Variants in PHACTR3 observed in about 807,000 individuals in gnomAD.
The protein encoded by PHACTR3 is phosphatase and actin regulator 3.
PHACTR3 carries 16 observed loss-of-function variants against 66.8 expected under a neutral mutation model. The ratio of observed to expected loss-of-function variants is 0.24; its 90% CI spans 0.16 to 0.36. PHACTR3 has a LOEUF of 0.36. Ranked by LOEUF, PHACTR3 falls within the 10% of genes least tolerant of loss-of-function variation. The probability of loss-of-function intolerance (pLI) is 1.00; values close to 1 mark genes in which losing one functional copy is unlikely to be tolerated. For synonymous variants in PHACTR3, 323 were observed against 292.1 expected, an observed-to-expected ratio of 1.11 and a Z score of -1.08; for missense variants, 647 against 719.9, an observed-to-expected ratio of 0.90 and a Z score of 1.16.
chr20:59,658,569 A>AGT (rs1282989493), intron 1 of PHACTR3, among the ~76,000 whole-genome samples: 1 of 151,984 alleles, frequency 6.6e-6, no homozygotes, highest in East Asian at 1.9e-4. Context: ...CAGCCTTGGG[A>AGT]GTGTGCACAG....
chr20:59,838,082 C>T (rs78956605), intron 9 of PHACTR3, among the ~76,000 whole-genome samples: 2,842 of 152,096 alleles, frequency 0.019, 100 homozygotes, highest in African/African-American at 0.065. Flanking sequence ...GTTTCCTCTG[C>T]GGTGGCCATG....
chr20:59,607,955 G>A (rs1180681615), intron 1 of PHACTR3, among the ~76,000 whole-genome samples: 2 of 152,162 alleles, frequency 1.3e-5, no homozygotes, highest in Non-Finnish European at 2.9e-5. Flanking sequence ...TTCCTCTAGG[G>A]TGGGTGTGTG....
At chr20:59,837,477 T>C (rs986077115) in intron 9 of PHACTR3, among the ~76,000 whole-genome samples, 1 of 152,178 alleles carries the variant, frequency 6.6e-6, no homozygotes, top group Non-Finnish European at 1.5e-5. Context: ...CTCAGTGCCT[T>C]CATTAACTGC....
At chr20:59,685,192 C>G (rs1016864889) in intron 1 of PHACTR3, among the ~76,000 whole-genome samples, 12 of 152,210 alleles carry the variant, frequency 7.9e-5, no homozygotes, top group Non-Finnish European at 1.2e-4. Context: ...GTGCTGTGGC[C>G]CCCTTCCTGC....
chr20:59,762,312 A>T (rs1174019699), intron 4 of PHACTR3, among the ~76,000 whole-genome samples: 1 of 152,188 alleles, frequency 6.6e-6, no homozygotes, highest in Admixed American at 6.5e-5. Flanking sequence ...TCAGAGACTT[A>T]CCCTTTACCC....
chr20:59,614,975 T>G (rs1032147274), intron 1 of PHACTR3, among the ~76,000 whole-genome samples: 10 of 152,132 alleles, frequency 6.6e-5, no homozygotes, highest in Non-Finnish European at 1.5e-4. Context: ...GCTTCTGAGA[T>G]CTGATGACCT....
chr20:59,794,934 G>A (rs896383521), intron 7 of PHACTR3, among the ~76,000 whole-genome samples: 18 of 151,788 alleles, frequency 1.2e-4, no homozygotes, highest in African/African-American at 4.4e-4. Flanking sequence ...CTAAAGATTT[G>A]TCAGCTTTGT....
At chr20:59,788,436 T>C in intron 7 of PHACTR3, among the ~76,000 whole-genome samples, 1 of 151,730 alleles carries the variant, frequency 6.6e-6, no homozygotes, top group African/African-American at 2.4e-5. Context: ...GTTGGCTCCC[T>C]CCTCTCATTA....
chr20:59,747,833 A>T lies in PHACTR3; in HGVS notation c.356A>T (p.Gln119Leu), dbSNP rs769727698. The change falls in exon 3 of 13, where the codon CAG becomes CTG. Residue 119 changes from glutamine to leucine, a missense_variant and splice_region_variant. Gln to Leu is a moderately radical substitution (Grantham distance 113). Around this residue, in one of 2 missense-constraint regions of PHACTR3, gnomAD observed 577 missense variants for 571.1 expected, o/e 1.01. Transcript: ENST00000371015. The stretch of plus-strand genomic sequence containing the variant: ...AAGGGGCTGCTGGAGATGATGGAGC[A>T]GGGTAAGTGGGACCCGTCCCTGGCT... Reference protein sequence around the residue: ...IKKGLLEMMEQDAESKTCNPD... With the variant: ...IKKGLLEMMELDAESKTCNPD... 6.2e-7 allele frequency: 1 copy of T among 1,613,836 alleles called. No individual in the cohort carries two copies. Among genetic ancestry groups the T allele is most frequent in the Non-Finnish European group, 8.5e-7 (1 of 1,179,862 alleles).
At chr20:59,689,972 G>A (rs1260006155) in intron 1 of PHACTR3, among the ~76,000 whole-genome samples, 1 of 152,002 alleles carries the variant, frequency 6.6e-6, no homozygotes, top group Non-Finnish European at 1.5e-5. Flanking sequence ...CATCTAATTG[G>A]GTTTCTGCTG....
intron 1 of PHACTR3, among the ~76,000 whole-genome samples, chr20:59,605,492 C>T (rs1001622409): frequency 1.2e-4 from 18 of 152,220 alleles, no homozygotes; most frequent in Admixed American, 1.1e-3. Flanking sequence ...GCCATTCCCT[C>T]CCTCCCCACT....
At chr20:59,781,011 A>G (rs1262341744) in intron 7 of PHACTR3, among the ~76,000 whole-genome samples, 1 of 152,150 alleles carries the variant, frequency 6.6e-6, no homozygotes, top group Admixed American at 6.5e-5. Context: ...CTGGGCATCC[A>G]CCGCTCATCA....
chr20:59,722,812 A>G (rs1384232444), intron 1 of PHACTR3, among the ~76,000 whole-genome samples: 1 of 150,816 alleles, frequency 6.6e-6, no homozygotes, highest in Non-Finnish European at 1.5e-5. Context: ...TTTTGGGAGG[A>G]GCCTCTGCTC....
intron 3 of PHACTR3, among the ~76,000 whole-genome samples, chr20:59,750,196 A>G (rs2039526309): frequency 6.6e-6 from 1 of 151,804 alleles, no homozygotes; most frequent in African/African-American, 2.4e-5. Context: ...CCCTAAGATC[A>G]TGAGACAGGA....
intron 1 of PHACTR3, among the ~76,000 whole-genome samples, chr20:59,734,689 A>G (rs1568759710): frequency 1.3e-5 from 2 of 151,752 alleles, no homozygotes; most frequent in Admixed American, 6.6e-5. Flanking sequence ...GTGGATCCCA[A>G]TTTTATATGT....
chr20:59,756,020 G>A (rs1185297946), intron 4 of PHACTR3, among the ~76,000 whole-genome samples: 10 of 152,180 alleles, frequency 6.6e-5, no homozygotes, highest in South Asian at 2.1e-4. Context: ...AGTGTCTGAC[G>A]TGTAGAGTGA....
intron 1 of PHACTR3, among the ~76,000 whole-genome samples, chr20:59,605,526 C>A (rs2033628973): frequency 6.6e-6 from 1 of 152,206 alleles, no homozygotes; most frequent in Admixed American, 6.5e-5. Context: ...TCCGGACGTC[C>A]CCGCTTGGGC....
At chr20:59,808,316 C>A (rs1329696445) in intron 8 of PHACTR3, among the ~76,000 whole-genome samples, 1 of 152,234 alleles carries the variant, frequency 6.6e-6, no homozygotes, top group Non-Finnish European at 1.5e-5. Context: ...AGAGGAAAGT[C>A]ATGCCATTCT....
chr20:59,838,855 CAT>C (rs2059010329), intron 9 of PHACTR3, among the ~76,000 whole-genome samples: 1 of 152,022 alleles, frequency 6.6e-6, no homozygotes, highest in African/African-American at 2.4e-5. Flanking sequence ...AATCCATAAA[CAT>C]ATCACTAAGG....
Sources: gnomAD v4.1 joint callset for allele counts (sites outside exome capture counted in the v4.1 genomes callset) on GRCh38, gnomAD v4.1.1 for gene constraint, gnomAD v4.1.1 regional missense constraint, MANE v1.5 for transcripts, NCBI Gene and HGNC (gene_info 2026-07-23, HGNC 2026-07-21) for gene names.